EFHD1: variants seen among roughly 807,000 people sequenced by gnomAD.
EFHD1 encodes EF-hand domain-containing protein D1.
Under a neutral mutation model 17.2 loss-of-function variants are expected in EFHD1, and 10 were observed. The observed-to-expected ratio is 0.58, with a 90% CI of 0.36 to 0.99. The LOEUF is 0.99. EFHD1 is among the 50% of genes least tolerant of loss of function. EFHD1 has a pLI of 0.01. For missense variants in EFHD1, 310 were observed against 327.5 expected (o/e 0.95, Z 0.41); for synonymous variants, 153 against 142.0 (o/e 1.08, Z -0.55).
At chr2:232,632,003 CAAA>C (rs538543210), upstream of EFHD1, among the ~76,000 whole-genome samples, 77 of 136,832 alleles carry the variant, frequency 5.6e-4, no homozygotes, top group African/African-American at 2.0e-3. Context: ...AACTCCATCT[CAAA>C]AAAAAAAAAA....
chr2:232,669,056 A>G (rs1213542679), intron 2 of EFHD1, among the ~76,000 whole-genome samples: 2 of 152,130 alleles, frequency 1.3e-5, no homozygotes, highest in Non-Finnish European at 2.9e-5. Flanking sequence ...AAATGATTTA[A>G]GGATAGCAGG....
chr2:232,638,352 AGAG>A, intron 1 of EFHD1: 1 of 471,140 alleles, frequency 2.1e-6, no homozygotes, highest in South Asian at 1.5e-5. Flanking sequence ...AATTCCCCAA[AGAG>A]AGGGTGGGAA....
intron 1 of EFHD1, among the ~76,000 whole-genome samples, chr2:232,656,269 A>C (rs1316227853): frequency 6.6e-6 from 1 of 152,036 alleles, no homozygotes; most frequent in African/African-American, 2.4e-5. Flanking sequence ...ACTTGCCACT[A>C]TGATTTATTT....
upstream of EFHD1, among the ~76,000 whole-genome samples, chr2:232,631,854 T>C (rs1047142269): frequency 2.0e-5 from 3 of 151,504 alleles, no homozygotes; most frequent in African/African-American, 7.3e-5. Flanking sequence ...ATACAAAAAA[T>C]TAGCCAGGTG....
chr2:232,617,947 T>TA (rs144804383), intron 1 of EFHD1, among the ~76,000 whole-genome samples: 12 of 145,940 alleles, frequency 8.2e-5, no homozygotes, highest in South Asian at 4.4e-4. Context: ...AGACTCAGTC[T>TA]AAAAAAAAAA....
chr2:232,613,004 A>G (rs1438107754), intron 1 of EFHD1, among the ~76,000 whole-genome samples: 2 of 152,032 alleles, frequency 1.3e-5, no homozygotes, highest in African/African-American at 4.8e-5. Flanking sequence ...AAGTGCTGGG[A>G]TTACAGGTGT....
At chr2:232,642,373 CAAAAA>C (rs764647177) in intron 1 of EFHD1, among the ~76,000 whole-genome samples, 4 of 68,968 alleles carry the variant, frequency 5.8e-5, no homozygotes, top group African/African-American at 2.2e-4. Context: ...GACTCTGTCT[CAAAAA>C]AAAAAAAAAA....
rs1326092895 is a variant in EFHD1, at chr2:232,681,913, A to G, written c.*194A>G. 2.6e-6 allele frequency: 2 copies of G among 756,132 alleles called. No homozygotes were observed. The highest frequency in any genetic ancestry group is 4.0e-6 in the Non-Finnish European group (2 of 498,416). 46.8% of individuals were successfully genotyped at this position (756,132 alleles called of 1,614,324 possible). The stretch of plus-strand genomic sequence containing the variant: ...CTCCAGGAGGGTCCTGGGGTGGGCC[A>G]GATGCCTGCCCACCTCTGTCTCCTG... On this transcript the variant is annotated 3_prime_UTR_variant, in exon 4 of 4. Transcript: ENST00000264059.
At chr2:232,640,689 A>G (rs1443932077) in intron 1 of EFHD1, among the ~76,000 whole-genome samples, 1 of 152,092 alleles carries the variant, frequency 6.6e-6, no homozygotes, top group African/African-American at 2.4e-5. Flanking sequence ...CCGAGAAGCC[A>G]CCCACCACCC....
intron 1 of EFHD1, among the ~76,000 whole-genome samples, chr2:232,645,998 C>A (rs915510379): frequency 2.6e-5 from 4 of 152,208 alleles, no homozygotes; most frequent in Non-Finnish European, 4.4e-5. Context: ...AGGGCCTTGG[C>A]TGGCACAGTC....
rs1694247245 is a variant in EFHD1 at position 232,633,653 on chromosome 2, C to T, written c.-52C>T. 2 of 1,376,160 alleles carry T rather than the reference C, an allele frequency of 1.5e-6. No individual in the cohort carries two copies. The highest frequency in any genetic ancestry group is 1.9e-6 in the Non-Finnish European group (2 of 1,075,806). 85.2% of individuals were successfully genotyped at this position (1,376,160 alleles called of 1,614,324 possible). A position where few individuals can be genotyped will look rare whatever the true frequency, so the allele number is the denominator to read the frequency against. On this transcript the variant is annotated 5_prime_UTR_variant, in exon 1 of 4. Coordinates refer to ENST00000264059, the MANE Select transcript of EFHD1 (RefSeq NM_025202.4). The stretch of plus-strand genomic sequence containing the variant: ...GCGAGGAGCGCGCCGCCCGCCAGCT[C>T]CCTGCGTCCCGTCCCGCGTCCCCGC...
At chr2:232,607,563 C>T (rs966853189) in intron 1 of EFHD1, among the ~76,000 whole-genome samples, 31 of 151,174 alleles carry the variant, frequency 2.1e-4, no homozygotes, top group African/African-American at 6.8e-4. Flanking sequence ...CACTGTACTC[C>T]ACCCTGGGTA....
upstream of EFHD1, among the ~76,000 whole-genome samples, chr2:232,628,790 A>G (rs112826921): frequency 2.3e-3 from 346 of 152,296 alleles, no homozygotes; most frequent in African/African-American, 7.6e-3. Flanking sequence ...GTAGGGGTCT[A>G]TGATCCCTCT....
At chr2:232,631,149 C>T (rs1202951429), upstream of EFHD1, among the ~76,000 whole-genome samples, 1 of 152,010 alleles carries the variant, frequency 6.6e-6, no homozygotes, top group African/African-American at 2.4e-5. Flanking sequence ...ATCGCTTGAA[C>T]CTGGGAGGCA....
At chr2:232,618,413 C>T (rs998288374) in intron 1 of EFHD1, among the ~76,000 whole-genome samples, 4 of 152,282 alleles carry the variant, frequency 2.6e-5, no homozygotes, top group East Asian at 1.9e-4. Flanking sequence ...ACGTGCTCAA[C>T]GTTATTAGTC....
intron 3 of EFHD1, among the ~76,000 whole-genome samples, chr2:232,678,177 G>GGAGACT (rs1695211640): frequency 6.6e-6 from 1 of 151,832 alleles, no homozygotes; most frequent in African/African-American, 2.4e-5. Context: ...CAGCTACTCG[G>GGAGACT]GAGGCAGGAG....
chr2:232,631,292 CTCTCTCTCTCTG>C (rs1210321887), upstream of EFHD1, among the ~76,000 whole-genome samples: 5 of 151,516 alleles, frequency 3.3e-5, no homozygotes, highest in Non-Finnish European at 4.4e-5. Context: ...TTCTTTCTCT[CTCTCTCTCTCTG>C]TCTCTCTCTC....
intron 1 of EFHD1, among the ~76,000 whole-genome samples, chr2:232,624,633 A>C (rs871687): frequency 6.6e-6 from 1 of 152,258 alleles, no homozygotes; most frequent in East Asian, 1.9e-4. Context: ...ACTGGCAGCC[A>C]AGCCGGGGAA....
At position 232,615,653 on chromosome 2, in the gene EFHD1, G is replaced by A. The variant is rs180709286; in HGVS notation, c.14+9480G>A. Among the ~76,000 whole-genome samples the A allele has an allele frequency of 7.8e-5, 11 of 141,334 alleles. No individual in the cohort carries two copies. The East Asian group carries it at 8.1e-4, about 10-fold the overall frequency. 92.7% of individuals were successfully genotyped at this position (141,334 alleles called of 152,430 possible). On this transcript the variant is annotated intron_variant, in intron 1 of 3. Coordinates refer to the EFHD1 transcript ENST00000409613. ...ACACTTTTTAAAAAATAGTGTAGTC[G>A]TTTTTAAAAATACATTTTCTTTTTC...
Sources: allele counts gnomAD v4.1 joint callset (sites outside exome capture counted in the v4.1 genomes callset), GRCh38; gene constraint gnomAD v4.1.1; transcripts MANE v1.5; gene names NCBI Gene and HGNC (gene_info 2026-07-23, HGNC 2026-07-21).